Variants in AKT3 observed in about 807,000 individuals in gnomAD.
AKT3 encodes AKT serine/threonine kinase 3.
A neutral mutation model predicts 65.3 loss-of-function variants in AKT3; 15 were observed. The ratio of observed to expected loss-of-function variants is 0.23; its 90% CI spans 0.15 to 0.35. The LOEUF (loss-of-function observed/expected upper bound fraction) is 0.35. Among genes scored for constraint, AKT3 ranks in the 10% least tolerant of loss-of-function variants. The probability of loss-of-function intolerance (pLI) is 1.00; values close to 1 mark genes in which losing one functional copy is unlikely to be tolerated. For synonymous variants in AKT3, 206 were observed against 183.8 expected, an observed-to-expected ratio of 1.12 and a Z score of -0.98; for missense variants, 243 against 576.5, an observed-to-expected ratio of 0.42 and a Z score of 5.92.
At chr1:243,672,969 A>G (rs887717259) in intron 3 of AKT3, among the ~76,000 whole-genome samples, 21 of 152,252 alleles carry the variant, frequency 1.4e-4, no homozygotes, top group Non-Finnish European at 2.6e-4. Flanking sequence ...TATAAAAATG[A>G]CATAAGGCAT....
rs578119619 is a variant in AKT3, at chr1:243,781,093, T to A, written c.46+62032A>T. ...TCTTGGTAACTACTGTTAATAGAGC[T>A]ATACAGCCTTCTAAAATTTTTTTCT... is the stretch of plus-strand genomic sequence containing the variant. On this transcript the variant is annotated intron_variant, in intron 2 of 13. Transcript: ENST00000673466. Among the ~76,000 whole-genome samples the A allele has an allele frequency of 2.8e-4, 42 of 152,252 alleles. 1 individual carries two copies. The South Asian group carries it at 8.3e-3, about 30-fold the overall frequency.
chr1:243,772,686 G>C (rs903863755), intron 2 of AKT3, among the ~76,000 whole-genome samples: 4 of 152,162 alleles, frequency 2.6e-5, no homozygotes, highest in African/African-American at 9.6e-5. Context: ...CCCATTACTG[G>C]GTATATCCCC....
rs140711994 is a variant in AKT3 at position 243,770,474 on chromosome 1, A to G, written c.46+72651T>C. 1.8e-3 allele frequency among the ~76,000 whole-genome samples: 274 copies of G among 152,278 alleles called. 3 individuals are homozygous for G. The Middle Eastern group carries it at 0.027, about 15-fold the overall frequency. Reference sequence around the variant, plus strand: ...CATAGTATCATACTTTTTTTCAAGTAAAACTAATTGCTTTAACATCCACCA... The same window carrying G: ...CATAGTATCATACTTTTTTTCAAGTGAAACTAATTGCTTTAACATCCACCA... On this transcript the variant is annotated intron_variant, in intron 2 of 13. Transcript: ENST00000673466.
At chr1:243,542,047 A>C (rs1289207971) in intron 12 of AKT3, among the ~76,000 whole-genome samples, 2 of 152,210 alleles carry the variant, frequency 1.3e-5, no homozygotes, top group African/African-American at 4.8e-5. Context: ...CACCTAAATA[A>C]ATGGAGAAAT....
chr1:243,787,060 G>A (rs1691311354), intron 2 of AKT3, among the ~76,000 whole-genome samples: 1 of 152,186 alleles, frequency 6.6e-6, no homozygotes, highest in Non-Finnish European at 1.5e-5. Flanking sequence ...TGTAGGATTA[G>A]GTTAATCTAG....
chr1:243,809,053 A>AC (rs1325305700), intron 2 of AKT3, among the ~76,000 whole-genome samples: 4 of 152,194 alleles, frequency 2.6e-5, no homozygotes, highest in Non-Finnish European at 4.4e-5. Context: ...GAAAGGAACA[A>AC]CCAGTACCAG....
rs566574203 is a variant in AKT3, at chr1:243,608,743, C to CTTTTTTTT, written c.696+4920_696+4927dup. The stretch of plus-strand genomic sequence containing the variant: ...TTTTCTACAGTAATTAAGTTTTTTG[C>CTTTTTTTT]TTTTTTTTTTTTTTTTTTTTTTTTT... On this transcript the variant is annotated intron_variant, in intron 8 of 13. Transcript: ENST00000673466. Among the ~76,000 whole-genome samples the CTTTTTTTT allele has an allele frequency of 4.8e-4, 34 of 70,796 alleles. 1 individual carries two copies. Among genetic ancestry groups the CTTTTTTTT allele is most frequent in the African/African-American group, 1.4e-3 (22 of 15,318 alleles). 46.4% of individuals were successfully genotyped at this position (70,796 alleles called of 152,430 possible). A position where few individuals can be genotyped will look rare whatever the true frequency, so the allele number is the denominator to read the frequency against.
chr1:243,627,006 G>A (rs930496196), intron 6 of AKT3, among the ~76,000 whole-genome samples: 1 of 152,146 alleles, frequency 6.6e-6, no homozygotes, highest in Non-Finnish European at 1.5e-5. Flanking sequence ...GACCAAAAGA[G>A]ATTTAGCACA....
chr1:243,498,812 C>T (rs759545398), downstream of AKT3, among the ~76,000 whole-genome samples: 5 of 152,190 alleles, frequency 3.3e-5, no homozygotes, highest in African/African-American at 4.8e-5. Flanking sequence ...AGGCCCACTT[C>T]TCTTTTTGGA....
intron 12 of AKT3, among the ~76,000 whole-genome samples, chr1:243,540,885 G>C (rs775295671): frequency 3.9e-5 from 6 of 152,234 alleles, no homozygotes; most frequent in Middle Eastern, 3.4e-3. Context: ...TGATTATACT[G>C]AGGTTATGCA....
intron 3 of AKT3, among the ~76,000 whole-genome samples, chr1:243,666,024 G>T (rs537382426): frequency 1.4e-4 from 22 of 152,018 alleles, no homozygotes; most frequent in Non-Finnish European, 2.9e-4. Context: ...TTGTTTGTTT[G>T]AGACAGTCTC....
intron 5 of AKT3, 80 bp from the exon 6 acceptor site, chr1:243,637,822 T>C: frequency 1.9e-6 from 2 of 1,057,250 alleles, no homozygotes; most frequent in Non-Finnish European, 2.5e-6. Flanking sequence ...GTGTTTGCAA[T>C]ATCCACTCAA....
chr1:243,516,447 C>T (rs1054987143), intron 12 of AKT3, among the ~76,000 whole-genome samples: 16 of 152,142 alleles, frequency 1.1e-4, no homozygotes, highest in Non-Finnish European at 2.1e-4. Flanking sequence ...CATCAATTTT[C>T]TCTATGATTT....
intron 2 of AKT3, among the ~76,000 whole-genome samples, chr1:243,699,471 A>G (rs1345661158): frequency 3.5e-4 from 2 of 5,682 alleles, no homozygotes; most frequent in African/African-American, 6.4e-4. Context: ...TCCACTATAT[A>G]TATATATATA....
intron 3 of AKT3, among the ~76,000 whole-genome samples, chr1:243,677,194 C>T (rs1683583014): frequency 6.6e-6 from 1 of 152,182 alleles, no homozygotes; most frequent in Admixed American, 6.5e-5. Flanking sequence ...TCACCTGACA[C>T]ATACTCCCTT....
chr1:243,629,520 C>A (rs937120225), intron 6 of AKT3, among the ~76,000 whole-genome samples: 12 of 151,720 alleles, frequency 7.9e-5, no homozygotes, highest in African/African-American at 2.4e-4. Flanking sequence ...TGGCCGGGCA[C>A]AGTGGCTCAT....
At chr1:243,642,594 C>G (rs986771376) in intron 5 of AKT3, among the ~76,000 whole-genome samples, 2 of 152,212 alleles carry the variant, frequency 1.3e-5, no homozygotes, top group South Asian at 4.1e-4. Flanking sequence ...CAGGCGTGAG[C>G]CACCACGCCC....
chr1:243,558,182 G>A (rs973545659), intron 10 of AKT3, among the ~76,000 whole-genome samples: 2 of 152,014 alleles, frequency 1.3e-5, no homozygotes, highest in Non-Finnish European at 2.9e-5. Flanking sequence ...TTTCAAGCAA[G>A]TTAGCTTCTA....
intron 6 of AKT3, among the ~76,000 whole-genome samples, chr1:243,617,350 G>A (rs1208762711): frequency 2.0e-5 from 3 of 152,012 alleles, no homozygotes; most frequent in African/African-American, 7.2e-5. Flanking sequence ...GAGGGAATAT[G>A]AAATACATAA....
Sources: gnomAD v4.1 joint callset for allele counts (sites outside exome capture counted in the v4.1 genomes callset) on GRCh38, gnomAD v4.1.1 for gene constraint, MANE v1.5 for transcripts, NCBI Gene and HGNC (gene_info 2026-07-23, HGNC 2026-07-21) for gene names.